SH3KBP1: variants seen among roughly 807,000 people sequenced by gnomAD.
SH3KBP1 encodes SH3 domain-containing kinase-binding protein 1.
In SH3KBP1, 8 loss-of-function variants were observed where a neutral mutation model predicts 50.1. That is an observed-to-expected ratio of 0.16 (90% confidence interval 0.09 to 0.29). The LOEUF (loss-of-function observed/expected upper bound fraction) is 0.29. Ranked by LOEUF, SH3KBP1 falls within the 10% of genes least tolerant of loss-of-function variation. SH3KBP1 has a pLI of 1.00. For missense variants in SH3KBP1, 377 were observed against 535.2 expected (o/e 0.70, Z 2.92); for synonymous variants, 227 against 218.6 (o/e 1.04, Z -0.34).
intron 8 of SH3KBP1, among the ~76,000 whole-genome samples, chrX:19,627,733 A>G (rs2061490096): frequency 8.9e-6 from 1 of 112,040 alleles, no homozygotes; most frequent in African/African-American, 3.2e-5. Context: ...ATGAACTGAC[A>G]ATCTGGGGCT....
At chrX:19,811,662 C>T (rs145884759) in intron 2 of SH3KBP1, among the ~76,000 whole-genome samples, 1,122 of 111,889 alleles carry the variant, frequency 0.01, 26 homozygotes, top group African/African-American at 0.034. Context: ...TTCCATGATA[C>T]GCAAAAACAG....
At chrX:19,655,467 G>A (rs970118926) in intron 6 of SH3KBP1, among the ~76,000 whole-genome samples, 5 of 111,861 alleles carry the variant, frequency 4.5e-5, no homozygotes, top group Admixed American at 9.5e-5. Flanking sequence ...CATATAGATC[G>A]TGAAATACTA....
At chrX:19,834,395 C>T (rs2068000218) in intron 2 of SH3KBP1, among the ~76,000 whole-genome samples, 1 of 112,097 alleles carries the variant, frequency 8.9e-6, no homozygotes, top group African/African-American at 3.2e-5. Flanking sequence ...GACCTGGGGA[C>T]TTCTGCATGC....
chrX:19,543,114 G>A (rs1485252865), intron 15 of SH3KBP1, among the ~76,000 whole-genome samples: 1 of 111,582 alleles, frequency 9.0e-6, no homozygotes, highest in East Asian at 2.8e-4. Flanking sequence ...AGAGCACCAG[G>A]CATTGTTCCC....
chrX:19,571,612 T>C (rs907195417), intron 12 of SH3KBP1, among the ~76,000 whole-genome samples: 2 of 112,220 alleles, frequency 1.8e-5, no homozygotes, highest in African/African-American at 6.5e-5. Flanking sequence ...AAGAAATACA[T>C]TCCTGGGGAC....
chrX:19,842,011 C>G (rs1001415573), intron 1 of SH3KBP1, among the ~76,000 whole-genome samples: 9 of 109,295 alleles, frequency 8.2e-5, no homozygotes, highest in Admixed American at 7.9e-4. Flanking sequence ...TAAAAAAAAA[C>G]TATGTTCAAA....
chrX:19,615,881 A>C (rs1257519744), intron 8 of SH3KBP1, among the ~76,000 whole-genome samples: 1 of 110,666 alleles, frequency 9.0e-6, no homozygotes, highest in Admixed American at 9.6e-5. Flanking sequence ...CCAAATGCCA[A>C]CATCACAGGA....
At chrX:19,750,164 T>C (rs2065023473) in intron 2 of SH3KBP1, among the ~76,000 whole-genome samples, 1 of 111,502 alleles carries the variant, frequency 9.0e-6, no homozygotes, top group African/African-American at 3.3e-5. Flanking sequence ...GTTCAGGCAA[T>C]GGTCATGTCT....
chrX:19,610,431 T>C (rs1444166876), intron 8 of SH3KBP1, among the ~76,000 whole-genome samples: 1 of 111,821 alleles, frequency 8.9e-6, no homozygotes, highest in Non-Finnish European at 1.9e-5. Context: ...ACCCTAACTC[T>C]TGGAATTAGG....
intron 2 of SH3KBP1, among the ~76,000 whole-genome samples, chrX:19,831,590 G>A (rs1170941363): frequency 9.4e-5 from 10 of 106,949 alleles, no homozygotes; most frequent in Admixed American, 9.0e-4. Context: ...TAGGGAGTTC[G>A]AGACCAGCCT....
At chrX:19,650,515 C>T (rs184680228) in intron 6 of SH3KBP1, among the ~76,000 whole-genome samples, 1 of 108,100 alleles carries the variant, frequency 9.3e-6, no homozygotes, top group Non-Finnish European at 1.9e-5. Flanking sequence ...ATCTAATCAC[C>T]TCCCACAAGG....
At chrX:19,638,207 G>A (rs1231169398) in intron 7 of SH3KBP1, among the ~76,000 whole-genome samples, 1 of 109,663 alleles carries the variant, frequency 9.1e-6, no homozygotes, top group Non-Finnish European at 1.9e-5. Context: ...TCAGGAGATC[G>A]AGACCATCCT....
chrX:19,885,952 T>C (rs1198940380), intron 1 of SH3KBP1, among the ~76,000 whole-genome samples: 1 of 111,177 alleles, frequency 9.0e-6, no homozygotes. Flanking sequence ...AACACTGTGC[T>C]GTCCCTATGG....
At chrX:19,656,093 G>A (rs1283746654) in intron 6 of SH3KBP1, among the ~76,000 whole-genome samples, 2 of 111,532 alleles carry the variant, frequency 1.8e-5, no homozygotes, top group African/African-American at 6.5e-5. Context: ...GGACTTCCCA[G>A]CACAGGATCG....
chrX:19,758,752 T>C (rs910944521), intron 2 of SH3KBP1, among the ~76,000 whole-genome samples: 4 of 111,659 alleles, frequency 3.6e-5, no homozygotes, highest in African/African-American at 1.3e-4. Context: ...CCGTTTCTGC[T>C]GTCTTTTTAA....
At chrX:19,698,511 A>G (rs1436189931) in intron 4 of SH3KBP1, among the ~76,000 whole-genome samples, 2 of 112,088 alleles carry the variant, frequency 1.8e-5, no homozygotes, top group East Asian at 2.8e-4. Context: ...GAGGCCTATC[A>G]TTAACCACGC....
At chrX:19,621,140 T>C (rs1162592325) in intron 8 of SH3KBP1, among the ~76,000 whole-genome samples, 1 of 101,141 alleles carries the variant, frequency 9.9e-6, no homozygotes, top group Admixed American at 1.1e-4. Context: ...AGTGGCGCGA[T>C]CTTGGCTCAC....
In SH3KBP1 at chrX:19,696,524, T is replaced by C. The variant is rs191171048; in HGVS notation, c.391-783A>G. On this transcript the variant is annotated intron_variant, in intron 4 of 17. Transcript: ENST00000397821. ...GGTAGGAAGGGCAGCGAGACTATGA[T>C]ATCTGGATAAGGAGGGAAGGCTGAG... Among the ~76,000 whole-genome samples, 51 of 111,328 alleles carry C rather than the reference T, an allele frequency of 4.6e-4. 1 individual carries two copies. Among genetic ancestry groups the C allele is most frequent in the Admixed American group, 4.5e-3 (47 of 10,492 alleles).
intron 6 of SH3KBP1, among the ~76,000 whole-genome samples, chrX:19,652,533 C>G (rs1252109056): frequency 1.8e-5 from 2 of 111,619 alleles, no homozygotes; most frequent in Non-Finnish European, 3.8e-5. Context: ...AGTGTACCCT[C>G]CCTCCCTGAC....
Sources: gnomAD v4.1 joint callset for allele counts (sites outside exome capture counted in the v4.1 genomes callset) on GRCh38, gnomAD v4.1.1 for gene constraint, MANE v1.5 for transcripts, NCBI Gene and HGNC (gene_info 2026-07-23, HGNC 2026-07-21) for gene names.